TOX4: variants seen among roughly 807,000 people sequenced by gnomAD.
The protein encoded by TOX4 is epidermal Langerhans cell protein LCP1.
In TOX4, 12 loss-of-function variants were observed where a neutral mutation model predicts 61.0. The ratio of observed to expected loss-of-function variants is 0.20; its 90% CI spans 0.13 to 0.32. TOX4 has a LOEUF of 0.32. TOX4 is among the 10% of genes least tolerant of loss of function. TOX4 has a pLI of 1.00. For synonymous variants in TOX4, 268 were observed against 274.8 expected, an observed-to-expected ratio of 0.98 and a Z score of 0.24; for missense variants, 499 against 753.3, an observed-to-expected ratio of 0.66 and a Z score of 3.95.
chr14:21,479,353 T>G (rs1413207912), intron 2 of TOX4, among the ~76,000 whole-genome samples: 2 of 150,202 alleles, frequency 1.3e-5, no homozygotes, highest in Admixed American at 6.7e-5. Flanking sequence ...ATAATTAATT[T>G]TAAAAAAACA....
intron 2 of TOX4, among the ~76,000 whole-genome samples, chr14:21,483,342 T>C (rs1190493164): frequency 1.3e-5 from 2 of 152,022 alleles, no homozygotes; most frequent in African/African-American, 4.8e-5. Context: ...ACTATTAGTC[T>C]AGTACAGTAA....
At position 21,496,923 on chromosome 14, in the gene TOX4, A is replaced by T. The variant is rs1477388510; in HGVS notation, c.*317A>T. On this transcript the variant is annotated 3_prime_UTR_variant, in exon 9 of 9. Coordinates refer to ENST00000448790, the MANE Select transcript of TOX4 (RefSeq NM_014828.4). ...GAAGAAACTTGTTGGTATAATTGTC[A>T]TAGGACTTGCCTAAAATATTATTAA... 1 of 279,738 alleles carries T rather than the reference A, an allele frequency of 3.6e-6. No homozygotes were observed. Among genetic ancestry groups the T allele is most frequent in the Non-Finnish European group, 6.9e-6 (1 of 145,928 alleles). 17.3% of individuals were successfully genotyped at this position (279,738 alleles called of 1,614,324 possible).
In TOX4 at chr14:21,497,259, G is replaced by C. The variant is rs1891422674; in HGVS notation, c.*653G>C. The C allele has an allele frequency of 6.6e-6, 1 of 152,170 alleles. No individual in the cohort carries two copies. Among genetic ancestry groups the C allele is most frequent in the Non-Finnish European group, 1.5e-5 (1 of 68,062 alleles). 9.4% of individuals were successfully genotyped at this position (152,170 alleles called of 1,614,324 possible). ...CCAAAGTCTAAAGTTGTATTCACTTGTGTTTGATGAACTATCTTTAAAAGA... is the reference window on the plus strand; with the variant it reads ...CCAAAGTCTAAAGTTGTATTCACTTCTGTTTGATGAACTATCTTTAAAAGA... On this transcript the variant is annotated 3_prime_UTR_variant, in exon 9 of 9. Coordinates refer to ENST00000448790, the MANE Select transcript of TOX4 (RefSeq NM_014828.4).
intron 2 of TOX4, among the ~76,000 whole-genome samples, chr14:21,478,162 T>G (rs1429756624): frequency 6.6e-6 from 1 of 152,230 alleles, no homozygotes; most frequent in Admixed American, 6.5e-5. Flanking sequence ...GGTTTCGAAC[T>G]CCTGACCTCA....
In TOX4 at chr14:21,498,013, C is replaced by A; in HGVS notation, c.*1407C>A. 2 of 475,966 alleles carry A rather than the reference C, an allele frequency of 4.2e-6. No homozygotes were observed. Among genetic ancestry groups the A allele is most frequent in the Non-Finnish European group, 7.5e-6 (2 of 265,446 alleles). The allele number at this position is 475,966 out of a possible 1,614,324, so 29.5% of individuals were successfully genotyped here. A position where few individuals can be genotyped will look rare whatever the true frequency, so the allele number is the denominator to read the frequency against. On this transcript the variant is annotated 3_prime_UTR_variant, in exon 9 of 9. Coordinates refer to ENST00000448790, the MANE Select transcript of TOX4 (RefSeq NM_014828.4). ...TGATCATTTTAATGTTTCCCATGCA[C>A]TCATTTAGTTTGAACCTTCACAGCA...
chr14:21,488,605 A>G lies in TOX4; in HGVS notation c.334A>G (p.Ile112Val), dbSNP rs375034121. 4 of 1,614,148 alleles carry G rather than the reference A, an allele frequency of 2.5e-6. No homozygotes were observed. The highest frequency in any genetic ancestry group is 3.4e-6 in the Non-Finnish European group (4 of 1,180,030). Reference sequence around the variant, plus strand: ...CTTCTCTCAGGACTTGGACCACTCTATAGGAACTCAGTATAGTGCCAACCC... The same window carrying G: ...CTTCTCTCAGGACTTGGACCACTCTGTAGGAACTCAGTATAGTGCCAACCC... ...GGLTMDLDHS[I>V]GTQYSANPPV... The change falls in exon 4 of 9, where the codon ATA becomes GTA. Residue 112 changes from isoleucine to valine, a missense_variant. By Grantham distance (29) the Ile-to-Val change is conservative. Coordinates refer to ENST00000448790, the MANE Select transcript of TOX4 (RefSeq NM_014828.4).
chr14:21,477,374 C>T (rs1566476826), intron 1 of TOX4, 90 bp downstream of exon 1: 32 of 1,612,256 alleles, frequency 2.0e-5, no homozygotes, highest in Middle Eastern at 1.7e-4. Context: ...AGGCGACTGA[C>T]GGGAGAGGAG....
chr14:21,492,471 T>C (rs1566484611), intron 6 of TOX4, 37 bp from the exon 7 acceptor site: 1 of 1,610,498 alleles, frequency 6.2e-7, no homozygotes, highest in South Asian at 1.1e-5. Flanking sequence ...CACCAAGTGA[T>C]TGATTAATTG....
At chr14:21,494,297 G>C (rs901713514) in intron 7 of TOX4, among the ~76,000 whole-genome samples, 2 of 152,048 alleles carry the variant, frequency 1.3e-5, no homozygotes, top group Non-Finnish European at 2.9e-5. Flanking sequence ...GGTTCATACC[G>C]TTATTTTTTA....
At position 21,498,678 on chromosome 14, in the gene TOX4, A is replaced by G; in HGVS notation, c.*2072A>G. The G allele has an allele frequency of 2.1e-6, 1 of 483,900 alleles. No homozygotes were observed. Among genetic ancestry groups the G allele is most frequent in the South Asian group, 2.6e-5 (1 of 38,010 alleles). The allele number at this position is 483,900 out of a possible 1,614,324, so 30.0% of individuals were successfully genotyped here. A position where few individuals can be genotyped will look rare whatever the true frequency, so the allele number is the denominator to read the frequency against. On this transcript the variant is annotated 3_prime_UTR_variant, in exon 9 of 9. Coordinates refer to ENST00000448790, the MANE Select transcript of TOX4 (RefSeq NM_014828.4). Reference sequence around the variant, plus strand: ...CAAAATGCTAGCAGCATGTGTTTTAAGCTCTGTTAAGGGGTGAAAGATGTA... The same window carrying G: ...CAAAATGCTAGCAGCATGTGTTTTAGGCTCTGTTAAGGGGTGAAAGATGTA...
chr14:21,489,476 T>G, intron 5 of TOX4, 73 bp downstream of exon 5: 2 of 1,288,566 alleles, frequency 1.6e-6, no homozygotes, highest in East Asian at 4.6e-5. Flanking sequence ...AGGTTTTCTT[T>G]TTTCTTACAT....
Position 21,498,844 on chromosome 14 carries a change from G to A in TOX4, c.*2238G>A, listed in dbSNP as rs1457333512. On this transcript the variant is annotated 3_prime_UTR_variant, in exon 9 of 9. Coordinates refer to ENST00000448790, the MANE Select transcript of TOX4 (RefSeq NM_014828.4). Reference sequence around the variant, plus strand: ...GTGCTTTTGGGTCCTAGAACCTGTTGAGTTTCTAATGAATATTTGTAGAAT... The same window carrying A: ...GTGCTTTTGGGTCCTAGAACCTGTTAAGTTTCTAATGAATATTTGTAGAAT... 1 of 581,660 alleles carries A rather than the reference G, an allele frequency of 1.7e-6. No homozygotes were observed. Among genetic ancestry groups the A allele is most frequent in the East Asian group, 2.9e-5 (1 of 34,630 alleles). 36.0% of individuals were successfully genotyped at this position (581,660 alleles called of 1,614,324 possible).
Position 21,487,504 on chromosome 14 carries a change from C to T in TOX4, c.129C>T (p.Ser43=), listed in dbSNP as rs1891208341. 6.2e-7 allele frequency: 1 copy of T among 1,614,036 alleles called. No individual in the cohort carries two copies. Among genetic ancestry groups the T allele is most frequent in the Non-Finnish European group, 8.5e-7 (1 of 1,179,944 alleles). Residue 43 remains serine, a synonymous_variant, in exon 3 of 9, where the codon TCC becomes TCT. Transcript: ENST00000448790. ...AGGAATTTGAAATCCCACCTATCTC[C>T]TTGGATTCTGATCCCTCATTGGCTG... is the stretch of plus-strand genomic sequence containing the variant. ...GDEEFEIPPI[S]LDSDPSLAVS... is the part of the protein sequence containing the mutation.
intron 2 of TOX4, among the ~76,000 whole-genome samples, chr14:21,483,141 G>C (rs1369673657): frequency 6.6e-6 from 1 of 152,122 alleles, no homozygotes; most frequent in African/African-American, 2.4e-5. Flanking sequence ...TTTATGAGGG[G>C]TAGTCACTTG....
At chr14:21,494,767 A>AT (rs1891365272) in intron 7 of TOX4, among the ~76,000 whole-genome samples, 2 of 128,542 alleles carry the variant, frequency 1.6e-5, no homozygotes, top group African/African-American at 2.9e-5. Context: ...AAAAAAAAAA[A>AT]AATTAGCTGG....
Position 21,498,971 on chromosome 14 carries a change from C to G in TOX4, c.*2365C>G. ...ATGTGAAGCTCTACTAAGTTCTGTC[C>G]TTAATCATAAATAATAGCCCCTTGA... is the stretch of plus-strand genomic sequence containing the variant. On this transcript the variant is annotated 3_prime_UTR_variant, in exon 9 of 9. Coordinates refer to ENST00000448790, the MANE Select transcript of TOX4 (RefSeq NM_014828.4). 1.6e-6 allele frequency: 2 copies of G among 1,266,264 alleles called. No individual in the cohort carries two copies. Among genetic ancestry groups the G allele is most frequent in the Non-Finnish European group, 1.2e-6 (1 of 864,138 alleles). 78.4% of individuals were successfully genotyped at this position (1,266,264 alleles called of 1,614,324 possible).
Position 21,477,905 on chromosome 14 carries a change from C to T in TOX4, c.75+341C>T, listed in dbSNP as rs796492956. On this transcript the variant is annotated intron_variant, in intron 2 of 8. Coordinates refer to ENST00000448790, the MANE Select transcript of TOX4 (RefSeq NM_014828.4). ...CAGTGGAAAGAAAATGTTTCAGCAG[C>T]TGAAGAAATTGGGGTTGAGGGGAGG... 1.8e-4 allele frequency among the ~76,000 whole-genome samples: 27 copies of T among 152,230 alleles called. 1 individual carries two copies. Among genetic ancestry groups the T allele is most frequent in the African/African-American group, 6.5e-4 (27 of 41,546 alleles).
intron 2 of TOX4, among the ~76,000 whole-genome samples, chr14:21,480,539 A>G (rs1891089668): frequency 6.6e-6 from 1 of 152,088 alleles, no homozygotes; most frequent in Admixed American, 6.5e-5. Flanking sequence ...ATTAAAAAAA[A>G]GTTTTTTTTT....
intron 5 of TOX4, among the ~76,000 whole-genome samples, chr14:21,491,519 G>A (rs1416558882): frequency 3.4e-5 from 5 of 148,954 alleles, no homozygotes; most frequent in Non-Finnish European, 7.4e-5. Flanking sequence ...TCACCACGCC[G>A]GGCTAGTTTT....
Sources: allele counts gnomAD v4.1 joint callset (sites outside exome capture counted in the v4.1 genomes callset), GRCh38; gene constraint gnomAD v4.1.1; transcripts MANE v1.5; gene names NCBI Gene and HGNC (gene_info 2026-07-23, HGNC 2026-07-21).